The following ODR4 variants were observed in gnomAD, a reference collection of about 807,000 sequenced individuals.
ODR4 encodes protein odr-4 homolog.
A neutral mutation model predicts 60.2 loss-of-function variants in ODR4; 47 were observed. The observed-to-expected ratio is 0.78, with a 90% CI of 0.62 to 1.00. The LOEUF (loss-of-function observed/expected upper bound fraction) is 1.00, where lower values mean the gene tolerates loss of function less well. ODR4 is among the 50% of genes least tolerant of loss of function. The pLI, the probability that ODR4 is intolerant of heterozygous loss-of-function variation, is 0.00. For synonymous variants in ODR4, 178 were observed against 175.5 expected, an observed-to-expected ratio of 1.01 and a Z score of -0.11; for missense variants, 488 against 530.8, an observed-to-expected ratio of 0.92 and a Z score of 0.79.
In ODR4 at chr1:186,390,826, G is replaced by A. The variant is rs1660441593; in HGVS notation, c.590G>A (p.Ser197Asn). 1 of 1,612,860 alleles carries A rather than the reference G, an allele frequency of 6.2e-7. No individual in the cohort carries two copies. The highest frequency in any genetic ancestry group is 2.2e-5 in the East Asian group (1 of 44,792). The change falls in exon 7 of 14, where the codon AGC (serine) becomes AAC (asparagine). Residue 197 changes from serine (S) to asparagine (N), a missense_variant. Ser to Asn is a conservative substitution (Grantham distance 46, BLOSUM62 1). Transcript: ENST00000287859. ...ATCCCACTTTCTGCTACTTCTGTCA[G>A]CTATACTCTGGAGAAAAATACAAAG... ...IHIPLSATSV[S>N]YTLEKNTKNG...
intron 2 of ODR4, among the ~76,000 whole-genome samples, chr1:186,382,107 A>G (rs1329706419): frequency 1.3e-5 from 2 of 152,044 alleles, no homozygotes; most frequent in Non-Finnish European, 2.9e-5. Flanking sequence ...CTTAACTGAT[A>G]TTACAGCTGA....
At chr1:186,404,021 T>TA (rs939155722) in intron 11 of ODR4, among the ~76,000 whole-genome samples, 45 of 151,690 alleles carry the variant, frequency 3.0e-4, no homozygotes, top group Non-Finnish European at 4.1e-4. Context: ...TCACCTATTC[T>TA]AAAAAAAAAT....
At chr1:186,401,486 C>CTCTT (rs753329544) in intron 11 of ODR4, 4 of 185,010 alleles carry the variant, frequency 2.2e-5, no homozygotes, top group South Asian at 1.1e-4. Flanking sequence ...CTTTCTTTCT[C>CTCTT]TCTTTCTTTC....
chr1:186,417,146 A>T (rs1661605771), intron 12 of ODR4, among the ~76,000 whole-genome samples: 1 of 151,854 alleles, frequency 6.6e-6, no homozygotes, highest in African/African-American at 2.4e-5. Flanking sequence ...GTATTTTAGT[A>T]GAGACGGGGT....
chr1:186,385,630 G>T (rs1489654881), intron 3 of ODR4, among the ~76,000 whole-genome samples: 1 of 151,938 alleles, frequency 6.6e-6, no homozygotes, highest in Non-Finnish European at 1.5e-5. Flanking sequence ...AGCCTCATTT[G>T]ACACTACTTT....
At chr1:186,417,952 T>A (rs1661634947) in intron 13 of ODR4, among the ~76,000 whole-genome samples, 1 of 152,226 alleles carries the variant, frequency 6.6e-6, no homozygotes, top group Non-Finnish European at 1.5e-5. Context: ...TACAAACGGG[T>A]GTTCTTAGAA....
In ODR4 at chr1:186,396,400, G is replaced by A. The variant is rs1660675158; in HGVS notation, c.781-1913G>A. On this transcript the variant is annotated intron_variant, in intron 9 of 13. Transcript: ENST00000287859. ...TAGGCAGGGTGATCGCTTGAGCCTAGGAGTTCAAGATGAGTCTGAGCAACA... is the reference window on the plus strand; with the variant it reads ...TAGGCAGGGTGATCGCTTGAGCCTAAGAGTTCAAGATGAGTCTGAGCAACA... 3.3e-5 allele frequency among the ~76,000 whole-genome samples: 5 copies of A among 152,222 alleles called. No individual in the cohort carries two copies. In the South Asian group the frequency reaches 1.0e-3, roughly 32 times the overall value.
the ODR4 span, among the ~76,000 whole-genome samples, chr1:186,434,867 A>C: frequency 6.6e-6 from 1 of 151,878 alleles, no homozygotes; most frequent in Non-Finnish European, 1.5e-5. Flanking sequence ...AAATAATTGT[A>C]TGTTGTTAGC....
chr1:186,413,355 C>G (rs1661442785), intron 12 of ODR4, among the ~76,000 whole-genome samples: 1 of 151,864 alleles, frequency 6.6e-6, no homozygotes, highest in Non-Finnish European at 1.5e-5. Flanking sequence ...TATTTCTGTT[C>G]TATAGTATAG....
chr1:186,378,957 T>C (rs1659907190), intron 1 of ODR4, among the ~76,000 whole-genome samples: 1 of 152,256 alleles, frequency 6.6e-6, no homozygotes, highest in African/African-American at 2.4e-5. Context: ...CATCTTTGTG[T>C]TATCCCACTT....
chr1:186,402,265 C>T (rs1248395917), intron 11 of ODR4, among the ~76,000 whole-genome samples: 1 of 87,182 alleles, frequency 1.1e-5, no homozygotes, highest in Non-Finnish European at 2.4e-5. Context: ...TTCCCTCCCT[C>T]CTTCCCTTCC....
At chr1:186,401,155 A>T in intron 11 of ODR4, 7 of 1,591,352 alleles carry the variant, frequency 4.4e-6, no homozygotes, top group Non-Finnish European at 6.0e-6. Context: ...CTATCCTGGT[A>T]TTCTTTCATA....
intron 1 of ODR4, among the ~76,000 whole-genome samples, chr1:186,377,318 A>G (rs1440874206): frequency 6.6e-6 from 1 of 152,200 alleles, no homozygotes; most frequent in Non-Finnish European, 1.5e-5. Flanking sequence ...GACTATATAC[A>G]TTTTTAGTAC....
At position 186,390,809 on chromosome 1, in the gene ODR4, T is replaced by A. The variant is rs375472243; in HGVS notation, c.573T>A (p.Leu191=). The part of the protein sequence containing the change: ...CTVHINIHIP[L]SATSVSYTLE... ...TTCACATTAATATTCACATCCCACT[T>A]TCTGCTACTTCTGTCAGCTATACTC... is the stretch of plus-strand genomic sequence containing the variant. The change falls in exon 7 of 14, where the codon CTT becomes CTA. Residue 191 remains leucine, a synonymous_variant. Coordinates refer to ENST00000287859, the MANE Select transcript of ODR4 (RefSeq NM_017847.6). The A allele has an allele frequency of 1.9e-6, 3 of 1,613,022 alleles. No individual in the cohort carries two copies. The highest frequency in any genetic ancestry group is 2.5e-6 in the Non-Finnish European group (3 of 1,179,326).
chr1:186,411,790 T>A (rs1558095363), intron 12 of ODR4: 1 of 766,044 alleles, frequency 1.3e-6, no homozygotes, highest in African/African-American at 1.9e-5. Context: ...CTGTCTATAT[T>A]TCTCTTTTTT....
Position 186,416,879 on chromosome 1 carries a change from A to G in ODR4, c.1187-665A>G, listed in dbSNP as rs952200062. 1.2e-4 allele frequency among the ~76,000 whole-genome samples: 17 copies of G among 146,654 alleles called. No homozygotes were observed. The East Asian group carries it at 3.4e-3, about 29-fold the overall frequency. On this transcript the variant is annotated intron_variant, in intron 12 of 13. Coordinates refer to ENST00000287859, the MANE Select transcript of ODR4 (RefSeq NM_017847.6). ...TCAAAAAAAAAAAAAAAAAAAAAGT[A>G]AATTAATCTCAAGAGCGAAGTTTAC...
intron 11 of ODR4, chr1:186,399,353 A>G: frequency 2.8e-6 from 1 of 362,416 alleles, no homozygotes; most frequent in Non-Finnish European, 5.2e-6. Flanking sequence ...CTGCAGGCAC[A>G]TGCCATGATG....
chr1:186,391,010 T>C (rs762372548), intron 7 of ODR4, among the ~76,000 whole-genome samples, 159 bp downstream of exon 7: 10 of 152,184 alleles, frequency 6.6e-5, no homozygotes, highest in Non-Finnish European at 1.3e-4. Flanking sequence ...TTAGAAATTT[T>C]TAGAAATTTT....
At chr1:186,411,168 A>T (rs1051042266) in intron 12 of ODR4, among the ~76,000 whole-genome samples, 1 of 152,202 alleles carries the variant, frequency 6.6e-6, no homozygotes, top group African/African-American at 2.4e-5. Context: ...TGTTCATTAG[A>T]GCATTTCAGA....
Sources: gnomAD v4.1 joint callset for allele counts (sites outside exome capture counted in the v4.1 genomes callset) on GRCh38, gnomAD v4.1.1 for gene constraint, MANE v1.5 for transcripts, NCBI Gene and HGNC (gene_info 2026-07-23, HGNC 2026-07-21) for gene names.